UBASH3B: variants seen among roughly 807,000 people sequenced by gnomAD.
The protein encoded by UBASH3B is ubiquitin-associated and SH3 domain-containing protein B.
Under a neutral mutation model 83.4 loss-of-function variants are expected in UBASH3B, and 37 were observed. The ratio of observed to expected loss-of-function variants is 0.44; its 90% CI spans 0.34 to 0.58. UBASH3B has a LOEUF of 0.58. Among genes scored for constraint, UBASH3B ranks in the 20% least tolerant of loss-of-function variants. The pLI is 0.01. For missense variants in UBASH3B, 657 were observed against 827.2 expected (o/e 0.79, Z 2.52); for synonymous variants, 304 against 318.3 (o/e 0.96, Z 0.48).
intron 1 of UBASH3B, among the ~76,000 whole-genome samples, chr11:122,717,812 C>T (rs1041445166): frequency 3.9e-5 from 6 of 152,124 alleles, no homozygotes; most frequent in Non-Finnish European, 7.4e-5. Context: ...CTGTTCCCTT[C>T]CCCTACTGTC....
intron 1 of UBASH3B, among the ~76,000 whole-genome samples, chr11:122,699,517 CTCTTTCTTTCTTTCTCTT>C (rs201610754): frequency 0.02 from 2,824 of 137,998 alleles, 131 homozygotes; most frequent in Admixed American, 0.11. Flanking sequence ...TTCTTTCTTT[CTCTTTCTTTCTTTCTCTT>C]TCTTTCTTTC....
At chr11:122,729,925 G>A (rs975524306) in intron 1 of UBASH3B, among the ~76,000 whole-genome samples, 26 of 128,208 alleles carry the variant, frequency 2.0e-4, no homozygotes, top group Admixed American at 1.6e-3. Flanking sequence ...GCTGCAGTGA[G>A]CCATGATCAT....
intron 5 of UBASH3B, among the ~76,000 whole-genome samples, chr11:122,788,004 C>A (rs1860983902): frequency 6.6e-6 from 1 of 152,128 alleles, no homozygotes; most frequent in African/African-American, 2.4e-5. Flanking sequence ...AATAAATGTT[C>A]TCTACAGTAC....
chr11:122,661,867 A>AC (rs1863444804), intron 1 of UBASH3B, among the ~76,000 whole-genome samples: 1 of 151,004 alleles, frequency 6.6e-6, no homozygotes, highest in Non-Finnish European at 1.5e-5. Flanking sequence ...TCCAAAAAAA[A>AC]AAAAAACAAA....
At chr11:122,782,802 C>A (rs556534962) in intron 4 of UBASH3B, 3 of 437,700 alleles carry the variant, frequency 6.9e-6, no homozygotes, top group Non-Finnish European at 1.2e-5. Context: ...AAAGGACTGC[C>A]CTCAGCTGAC....
At chr11:122,693,276 G>A (rs2135921604) in intron 1 of UBASH3B, among the ~76,000 whole-genome samples, 1 of 152,328 alleles carries the variant, frequency 6.6e-6, no homozygotes, top group African/African-American at 2.4e-5. Context: ...TGGATCTTCA[G>A]TTGCTTCAGG....
At chr11:122,771,588 A>C (rs1860644369) in intron 1 of UBASH3B, among the ~76,000 whole-genome samples, 1 of 152,152 alleles carries the variant, frequency 6.6e-6, no homozygotes, top group Admixed American at 6.5e-5. Flanking sequence ...TCTTTTAGGA[A>C]AGAGTCCTAA....
intron 4 of UBASH3B, among the ~76,000 whole-genome samples, chr11:122,781,004 T>G (rs1036888087): frequency 1.3e-5 from 2 of 152,226 alleles, no homozygotes; most frequent in Admixed American, 1.3e-4. Context: ...TCTCAGGCCC[T>G]TTGTTCCATA....
chr11:122,666,970 G>T (rs959072983), intron 1 of UBASH3B, among the ~76,000 whole-genome samples: 6 of 150,462 alleles, frequency 4.0e-5, no homozygotes, highest in African/African-American at 9.8e-5. Context: ...CACCTATGAA[G>T]ATGCACAGTG....
chr11:122,707,304 C>T (rs1029927509), intron 1 of UBASH3B, among the ~76,000 whole-genome samples: 29 of 152,174 alleles, frequency 1.9e-4, no homozygotes, highest in African/African-American at 6.5e-4. Context: ...ACTCTGCAGG[C>T]TTTTCCACTA....
At chr11:122,803,324 C>T (rs1861287494) in intron 11 of UBASH3B, among the ~76,000 whole-genome samples, 1 of 152,048 alleles carries the variant, frequency 6.6e-6, no homozygotes, top group Non-Finnish European at 1.5e-5. Context: ...GAAGTGGTGC[C>T]CAGATGATTG....
intron 1 of UBASH3B, among the ~76,000 whole-genome samples, chr11:122,665,999 C>T (rs951447186): frequency 6.6e-6 from 1 of 152,210 alleles, no homozygotes; most frequent in African/African-American, 2.4e-5. Context: ...GCAACTGTGG[C>T]AGTGAACTCC....
At chr11:122,669,580 C>T (rs1467862947) in intron 1 of UBASH3B, among the ~76,000 whole-genome samples, 1 of 152,176 alleles carries the variant, frequency 6.6e-6, no homozygotes, top group East Asian at 1.9e-4. Context: ...TATGTAAGCG[C>T]TTGGTCTGCC....
chr11:122,748,873 C>T (rs73018278), intron 1 of UBASH3B, among the ~76,000 whole-genome samples: 15 of 152,318 alleles, frequency 9.8e-5, no homozygotes, highest in Non-Finnish European at 2.1e-4. Flanking sequence ...AGTGAGTACA[C>T]GGAAGGAAAG....
intron 1 of UBASH3B, among the ~76,000 whole-genome samples, chr11:122,706,124 T>C (rs1864116926): frequency 6.7e-6 from 1 of 149,364 alleles, no homozygotes; most frequent in Non-Finnish European, 1.5e-5. Flanking sequence ...TTTTTTCTTT[T>C]TTTTTTTTTG....
At chr11:122,691,527 T>G (rs1863897746) in intron 1 of UBASH3B, among the ~76,000 whole-genome samples, 1 of 152,142 alleles carries the variant, frequency 6.6e-6, no homozygotes, top group Admixed American at 6.5e-5. Flanking sequence ...ACCAGGCCAA[T>G]GTTTTCTCCC....
intron 7 of UBASH3B, among the ~76,000 whole-genome samples, chr11:122,795,640 A>G (rs192979828): frequency 2.6e-4 from 40 of 152,378 alleles, no homozygotes; most frequent in Admixed American, 1.9e-3. Context: ...CAGAGGCTAC[A>G]TAGTGATTAG....
chr11:122,732,574 G>A (rs1860860939), intron 1 of UBASH3B, among the ~76,000 whole-genome samples: 1 of 152,114 alleles, frequency 6.6e-6, no homozygotes, highest in South Asian at 2.1e-4. Context: ...TTCTTCCATG[G>A]TATTTCCTGC....
At chr11:122,671,183 C>T (rs552432728) in intron 1 of UBASH3B, among the ~76,000 whole-genome samples, 1 of 152,230 alleles carries the variant, frequency 6.6e-6, no homozygotes, top group Admixed American at 6.5e-5. Flanking sequence ...AGCCACACCA[C>T]TCCTGCCTTC....
Sources: gnomAD v4.1 joint callset for allele counts (sites outside exome capture counted in the v4.1 genomes callset) on GRCh38, gnomAD v4.1.1 for gene constraint, MANE v1.5 for transcripts, NCBI Gene and HGNC (gene_info 2026-07-23, HGNC 2026-07-21) for gene names.